The following GLRA2 variants were observed in gnomAD, a reference collection of about 807,000 sequenced individuals.
The protein encoded by GLRA2 is glycine receptor alpha 2.
Under a neutral mutation model 31.6 loss-of-function variants are expected in GLRA2, and 11 were observed. The observed-to-expected ratio is 0.35, with a 90% CI of 0.22 to 0.58. GLRA2 has a LOEUF of 0.58. GLRA2 is among the 20% of genes least tolerant of loss of function. GLRA2 has a pLI of 0.84. For missense variants in GLRA2, 212 were observed against 351.8 expected, an observed-to-expected ratio of 0.60 and a Z score of 3.18; for synonymous variants, 132 against 134.0, an observed-to-expected ratio of 0.99 and a Z score of 0.10.
chrX:14,532,141 A>G (rs929302427), intron 1 of GLRA2, 98 bp from the exon 2 acceptor site: 3 of 599,463 alleles, frequency 5.0e-6, no homozygotes, highest in African/African-American at 4.7e-5. Context: ...TAACATATCA[A>G]ATATCTTTAC....
chrX:14,607,519 TG>T (rs1476885699), intron 6 of GLRA2, among the ~76,000 whole-genome samples: 2 of 111,424 alleles, frequency 1.8e-5, no homozygotes, highest in Non-Finnish European at 3.8e-5. Context: ...GATCTTTTGC[TG>T]TTCCTAGCTG....
At chrX:14,557,102 C>CTTTTTTTTTT (rs58282642) in intron 2 of GLRA2, among the ~76,000 whole-genome samples, 1 of 46,341 alleles carries the variant, frequency 2.2e-5, no homozygotes, top group African/African-American at 9.6e-5. Context: ...TAAAGTATTT[C>CTTTTTTTTTT]TTTTTTTTTT....
chrX:14,476,273 T>A, the GLRA2 span, among the ~76,000 whole-genome samples: 4 of 112,281 alleles, frequency 3.6e-5, no homozygotes, highest in African/African-American at 1.3e-4. Flanking sequence ...TTCCTGATTG[T>A]TTTATTACTG....
chrX:14,650,362 G>C (rs1156735320), intron 7 of GLRA2, among the ~76,000 whole-genome samples: 2 of 107,751 alleles, frequency 1.9e-5, no homozygotes, highest in Non-Finnish European at 3.8e-5. Context: ...ATTAAGTTCT[G>C]TTCAGAAAAA....
At chrX:14,579,817 T>C (rs1246009804) in intron 3 of GLRA2, among the ~76,000 whole-genome samples, 1 of 112,146 alleles carries the variant, frequency 8.9e-6, no homozygotes, top group Non-Finnish European at 1.9e-5. Flanking sequence ...TCCCAAGAGC[T>C]ACTGCCTCCA....
At chrX:14,545,703 T>A (rs956333802) in intron 2 of GLRA2, among the ~76,000 whole-genome samples, 4 of 111,814 alleles carry the variant, frequency 3.6e-5, no homozygotes, top group Admixed American at 1.9e-4. Context: ...CTGACTTAGA[T>A]CCTTTGCTAT....
chrX:14,508,212 C>T, the GLRA2 span, among the ~76,000 whole-genome samples: 4 of 112,169 alleles, frequency 3.6e-5, no homozygotes, highest in Admixed American at 1.9e-4. Flanking sequence ...GGGATGCATT[C>T]CAAAGCCAAC....
the GLRA2 span, among the ~76,000 whole-genome samples, chrX:14,506,697 A>G: frequency 2.6e-4 from 29 of 111,646 alleles, no homozygotes; most frequent in Non-Finnish European, 5.1e-4. Flanking sequence ...TGTTCTAATA[A>G]AGAGGAGCCA....
chrX:14,718,839 T>TAACA (rs1272098010), intron 8 of GLRA2, among the ~76,000 whole-genome samples: 2 of 111,666 alleles, frequency 1.8e-5, no homozygotes, highest in African/African-American at 6.5e-5. Context: ...TTTTATGAAC[T>TAACA]AACATTGGAA....
intron 7 of GLRA2, among the ~76,000 whole-genome samples, chrX:14,650,829 C>T (rs1265190869): frequency 1.8e-5 from 2 of 111,643 alleles, no homozygotes; most frequent in Non-Finnish European, 3.8e-5. Context: ...GCATCCCAAG[C>T]TTGAACTCTC....
chrX:14,451,870 G>T, the GLRA2 span, among the ~76,000 whole-genome samples: 1 of 110,357 alleles, frequency 9.1e-6, no homozygotes, highest in African/African-American at 3.3e-5. Context: ...GACAAAGAAG[G>T]TCATTACATA....
chrX:14,508,812 TG>T, the GLRA2 span, among the ~76,000 whole-genome samples: 2 of 111,890 alleles, frequency 1.8e-5, no homozygotes, highest in Non-Finnish European at 3.8e-5. Context: ...GTCATTGGTT[TG>T]GTCCAGGATA....
intron 7 of GLRA2, among the ~76,000 whole-genome samples, chrX:14,614,561 C>A (rs2090434980): frequency 8.9e-6 from 1 of 111,760 alleles, no homozygotes; most frequent in Admixed American, 9.6e-5. Flanking sequence ...TGCATTATTG[C>A]CTTGCTAAAT....
intron 4 of GLRA2, 29 bp from the exon 5 acceptor site, chrX:14,604,286 G>A: frequency 2.1e-6 from 2 of 937,640 alleles, no homozygotes; most frequent in Admixed American, 4.6e-5. Context: ...ATTTAAAAAT[G>A]GTTTTTAATT....
chrX:14,656,438 TC>T (rs1400841553), intron 7 of GLRA2, among the ~76,000 whole-genome samples: 2 of 111,963 alleles, frequency 1.8e-5, no homozygotes, highest in Non-Finnish European at 3.8e-5. Context: ...CTCCAAATCA[TC>T]CTTGGTATGG....
At chrX:14,497,202 C>G in the GLRA2 span, among the ~76,000 whole-genome samples, 1 of 111,442 alleles carries the variant, frequency 9.0e-6, no homozygotes, top group African/African-American at 3.3e-5. Context: ...ATAGTTGTAT[C>G]ACATGGAAAG....
At chrX:14,569,368 T>G (rs1426929960) in intron 2 of GLRA2, among the ~76,000 whole-genome samples, 1 of 112,472 alleles carries the variant, frequency 8.9e-6, no homozygotes. Context: ...GTAAATCATG[T>G]CTGAGGAGGG....
At chrX:14,559,936 T>C (rs2089703951) in intron 2 of GLRA2, among the ~76,000 whole-genome samples, 1 of 111,423 alleles carries the variant, frequency 9.0e-6, no homozygotes. Flanking sequence ...TCATTCCCTC[T>C]CCCTTGTGAT....
At chrX:14,534,533 C>T (rs1245384753) in intron 2 of GLRA2, among the ~76,000 whole-genome samples, 1 of 110,481 alleles carries the variant, frequency 9.1e-6, no homozygotes. Context: ...TCTTGATGTT[C>T]CCATGGAATT....
Sources: allele counts gnomAD v4.1 joint callset (sites outside exome capture counted in the v4.1 genomes callset), GRCh38; gene constraint gnomAD v4.1.1; transcripts MANE v1.5; gene names NCBI Gene and HGNC (gene_info 2026-07-23, HGNC 2026-07-21).